CHID1: variants seen among roughly 807,000 people sequenced by gnomAD.
CHID1 encodes the protein chitinase domain-containing protein 1.
CHID1 carries 44 observed loss-of-function variants against 55.4 expected under a neutral mutation model. That is an observed-to-expected ratio of 0.79 (90% CI 0.62 to 1.02). The LOEUF is 1.02. Among genes scored for constraint, CHID1 ranks in the 50% least tolerant of loss-of-function variants. The probability of loss-of-function intolerance (pLI) is 0.00; values close to 1 mark genes in which losing one functional copy is unlikely to be tolerated. For synonymous variants in CHID1, 216 were observed against 212.9 expected, an observed-to-expected ratio of 1.01 and a Z score of -0.13; for missense variants, 491 against 515.3, an observed-to-expected ratio of 0.95 and a Z score of 0.46.
At chr11:894,858 T>G (rs909230701) in intron 7 of CHID1, among the ~76,000 whole-genome samples, 1 of 152,164 alleles carries the variant, frequency 6.6e-6, no homozygotes, top group African/African-American at 2.4e-5. Flanking sequence ...AGCTCCTGTT[T>G]CCCTGACATG....
upstream of CHID1, chr11:911,144 G>A (rs1852661100): frequency 6.6e-6 from 1 of 152,026 alleles, no homozygotes; most frequent in African/African-American, 2.4e-5. Context: ...TGGGCTCCAG[G>A]GCCTCTGCCC....
Position 868,827 on chromosome 11 carries a change from C to T in CHID1, c.*1031G>A, listed in dbSNP as rs1399486912. 1.3e-5 allele frequency: 2 copies of T among 152,414 alleles called. No homozygotes were observed. Among genetic ancestry groups the T allele is most frequent in the African/African-American group, 4.8e-5 (2 of 41,434 alleles). 9.4% of individuals were successfully genotyped at this position (152,414 alleles called of 1,614,324 possible). On this transcript the variant is annotated 3_prime_UTR_variant, in exon 13 of 13. Transcript: ENST00000323578. Reference sequence around the variant, plus strand: ...CACGGCATTCTGAGTGAGGGACGCCCAGGCCCACCCACTCCCTGGACTCAC... The same window carrying T: ...CACGGCATTCTGAGTGAGGGACGCCTAGGCCCACCCACTCCCTGGACTCAC...
intron 7 of CHID1, among the ~76,000 whole-genome samples, chr11:894,399 G>A (rs887940366): frequency 4.6e-5 from 7 of 152,176 alleles, no homozygotes; most frequent in African/African-American, 1.2e-4. Flanking sequence ...CTCCTAGCAC[G>A]GCCTAGGAGC....
At chr11:910,858 C>G (rs1024746899), upstream of CHID1, 1 of 1,082,684 alleles carries the variant, frequency 9.2e-7, no homozygotes, top group African/African-American at 1.7e-5. Flanking sequence ...CAGGCGCCCG[C>G]GCGCCGCCGC....
At chr11:882,846 C>T (rs1473814127) in intron 10 of CHID1, 6 of 314,104 alleles carry the variant, frequency 1.9e-5, no homozygotes, top group South Asian at 7.1e-5. Flanking sequence ...CAGGAGGCCC[C>T]GGCCCGGCCT....
chr11:883,371 C>G, intron 9 of CHID1, 68 bp from the exon 10 acceptor site: 1 of 1,494,400 alleles, frequency 6.7e-7, no homozygotes, highest in Non-Finnish European at 9.1e-7. Context: ...TCATTGGGGC[C>G]CTCCACTGAG....
At chr11:870,291 A>T (rs920314263) in intron 11 of CHID1, 128 bp from the exon 12 acceptor site, 2 of 1,387,020 alleles carry the variant, frequency 1.4e-6, no homozygotes, top group African/African-American at 2.9e-5. Flanking sequence ...GCTGTGCTCC[A>T]GGGCCGGGAG....
intron 1 of CHID1, 77 bp from the exon 2 acceptor site, chr11:904,936 C>T: frequency 6.7e-7 from 1 of 1,489,152 alleles, no homozygotes; most frequent in South Asian, 1.2e-5. Context: ...CTGATGGGGC[C>T]ACTTTCTCCT....
upstream of CHID1, among the ~76,000 whole-genome samples, chr11:912,712 C>T (rs1317383128): frequency 9.2e-5 from 14 of 151,504 alleles, no homozygotes; most frequent in Admixed American, 9.2e-4. Context: ...GGCGTAGTGG[C>T]GGGCGCCCGT....
chr11:872,037 T>C (rs1849210883), intron 10 of CHID1, among the ~76,000 whole-genome samples: 1 of 152,168 alleles, frequency 6.6e-6, no homozygotes, highest in South Asian at 2.1e-4. Flanking sequence ...CCCCATCGGG[T>C]AGCTCTGGCC....
At chr11:899,205 G>A in intron 7 of CHID1, 135 bp downstream of exon 7, 1 of 810,326 alleles carries the variant, frequency 1.2e-6, no homozygotes, top group Non-Finnish European at 2.0e-6. Context: ...TCCATCTTTT[G>A]TGCAGCCCCG....
At position 871,289 on chromosome 11, in the gene CHID1, C is replaced by T. The variant is rs139090846; in HGVS notation, c.960-790G>A. ...TACAGGCGTGAGCCACCGCGCCTGG[C>T]CTCTGCACCCTTTCAAAGACTGAGT... On this transcript the variant is annotated intron_variant, in intron 10 of 12. Coordinates refer to ENST00000323578, the MANE Select transcript of CHID1 (RefSeq NM_023947.4). Among the ~76,000 whole-genome samples, 1,059 of 152,260 alleles carry T rather than the reference C, an allele frequency of 7.0e-3. 2 individuals are homozygous for T. Among genetic ancestry groups the T allele is most frequent in the Non-Finnish European group, 0.012 (804 of 68,016 alleles).
intron 10 of CHID1, among the ~76,000 whole-genome samples, chr11:879,608 C>G (rs1349187242): frequency 9.4e-6 from 1 of 106,512 alleles, no homozygotes; most frequent in Non-Finnish European, 2.0e-5. Flanking sequence ...TCTCATCTCC[C>G]ACCTCCAGCC....
At chr11:877,804 TTTAGAAGG>T (rs1307247340) in intron 10 of CHID1, among the ~76,000 whole-genome samples, 11 of 150,596 alleles carry the variant, frequency 7.3e-5, no homozygotes, top group South Asian at 2.1e-4. Flanking sequence ...AGGCGGGGCC[TTTAGAAGG>T]CGACACTGTG....
At chr11:901,393 T>A (rs755560315) in intron 4 of CHID1, among the ~76,000 whole-genome samples, 4 of 152,184 alleles carry the variant, frequency 2.6e-5, no homozygotes, top group Non-Finnish European at 4.4e-5. Context: ...TCTCTCAGTG[T>A]CAGGGAAAAC....
chr11:883,304 C>T lies in CHID1; in HGVS notation c.804-1G>A. The T allele has an allele frequency of 6.2e-7, 1 of 1,609,610 alleles. No individual in the cohort carries two copies. The highest frequency in any genetic ancestry group is 8.5e-7 in the Non-Finnish European group (1 of 1,176,644). On this transcript the variant is annotated splice_acceptor_variant, in intron 9 of 12. Transcript: ENST00000323578. LOFTEE classifies it high-confidence loss of function. Reference sequence around the variant, plus strand: ...GGACAGGGGTGCATTAGGGCCAGGCCTGCAGGGCAAGGGGTGAGCGAGTTT... The same window carrying T: ...GGACAGGGGTGCATTAGGGCCAGGCTTGCAGGGCAAGGGGTGAGCGAGTTT...
intron 7 of CHID1, among the ~76,000 whole-genome samples, chr11:897,507 C>T (rs1311769090): frequency 6.6e-6 from 1 of 152,232 alleles, no homozygotes; most frequent in Non-Finnish European, 1.5e-5. Context: ...GGGTCCACTG[C>T]CCACGGCTCA....
chr11:878,783 C>T (rs1004868495), intron 10 of CHID1, among the ~76,000 whole-genome samples: 4 of 151,836 alleles, frequency 2.6e-5, no homozygotes, highest in African/African-American at 7.2e-5. Flanking sequence ...CTCACTGCAA[C>T]GTCTGCCTCC....
chr11:887,754 C>T (rs907182050), intron 8 of CHID1, among the ~76,000 whole-genome samples: 9 of 152,198 alleles, frequency 5.9e-5, no homozygotes, highest in African/African-American at 1.9e-4. Flanking sequence ...GGGGTCCTGC[C>T]GTGAGCCGGG....
Sources: allele counts gnomAD v4.1 joint callset (sites outside exome capture counted in the v4.1 genomes callset), GRCh38; gene constraint gnomAD v4.1.1; transcripts MANE v1.5; gene names NCBI Gene and HGNC (gene_info 2026-07-23, HGNC 2026-07-21).